The following SEMA3D variants were observed in gnomAD, a reference collection of about 807,000 sequenced individuals.
SEMA3D encodes the protein semaphorin-3D.
In SEMA3D, 84 loss-of-function variants were observed where a neutral mutation model predicts 100.1. The ratio of observed to expected loss-of-function variants is 0.84; its 90% CI spans 0.70 to 1.01. The LOEUF (loss-of-function observed/expected upper bound fraction) is 1.01, where lower values mean the gene tolerates loss of function less well. Ranked by LOEUF, SEMA3D falls within the 50% of genes least tolerant of loss-of-function variation. SEMA3D has a pLI of 0.00. For missense variants in SEMA3D, 875 were observed against 934.1 expected (o/e 0.94, Z 0.82); for synonymous variants, 312 against 320.7 (o/e 0.97, Z 0.29).
At chr7:85,014,525 A>G (rs1382382606) in intron 16 of SEMA3D, among the ~76,000 whole-genome samples, 1 of 151,824 alleles carries the variant, frequency 6.6e-6, no homozygotes, top group African/African-American at 2.4e-5. Context: ...GCAATGAACT[A>G]CAAACAGCAA....
chr7:85,060,636 T>G (rs532668403), intron 8 of SEMA3D, among the ~76,000 whole-genome samples: 1 of 152,320 alleles, frequency 6.6e-6, no homozygotes, highest in Admixed American at 6.5e-5. Context: ...CATAAACTCA[T>G]GTGGCCTGCA....
At chr7:85,018,357 G>T in intron 14 of SEMA3D, 64 bp from the exon 15 acceptor site, 1 of 1,044,412 alleles carries the variant, frequency 9.6e-7, no homozygotes, top group South Asian at 1.3e-5. Context: ...TAAACAATAT[G>T]TTGTTTTATC....
At chr7:85,029,559 G>T in intron 12 of SEMA3D, 1 of 537,950 alleles carries the variant, frequency 1.9e-6, no homozygotes, top group South Asian at 1.8e-5. Flanking sequence ...AGCTGGAGAA[G>T]TCTTCAAGTC....
the SEMA3D span, among the ~76,000 whole-genome samples, chr7:85,211,989 G>T: frequency 6.6e-6 from 1 of 152,122 alleles, no homozygotes; most frequent in East Asian, 1.9e-4. Flanking sequence ...TAAGTTTTTG[G>T]AGAGTCAAAA....
chr7:85,157,233 C>T (rs1790626054), intron 1 of SEMA3D, among the ~76,000 whole-genome samples: 1 of 152,050 alleles, frequency 6.6e-6, no homozygotes, highest in South Asian at 2.1e-4. Context: ...AAAAATGTGG[C>T]AGTTAATAAA....
At chr7:85,093,182 T>G (rs1022104418) in intron 4 of SEMA3D, among the ~76,000 whole-genome samples, 10 of 152,098 alleles carry the variant, frequency 6.6e-5, no homozygotes, top group African/African-American at 2.4e-4. Context: ...AAGTTTGTTT[T>G]CTGTTCCCTC....
intron 12 of SEMA3D, among the ~76,000 whole-genome samples, chr7:85,030,460 A>G (rs1169346496): frequency 6.6e-6 from 1 of 152,080 alleles, no homozygotes; most frequent in Non-Finnish European, 1.5e-5. Context: ...ACGCGGTAAC[A>G]ATTTGGGAGC....
intron 2 of SEMA3D, among the ~76,000 whole-genome samples, chr7:85,136,888 T>C (rs1789881095): frequency 6.6e-6 from 1 of 152,116 alleles, no homozygotes. Flanking sequence ...TCTAAAGACA[T>C]GACTGTAGTC....
intron 2 of SEMA3D, chr7:85,140,679 T>C (rs1179974180): frequency 9.2e-6 from 9 of 980,226 alleles, no homozygotes; most frequent in Non-Finnish European, 1.1e-5. Flanking sequence ...ATTAAGTGCT[T>C]CTGTTAAGGA....
In SEMA3D at chr7:85,015,328, G is replaced by A. The variant is rs540339090; in HGVS notation, c.1546-112C>T. ...ATAAATCTGTTTCTCTGGGTGTCCT[G>A]CCCATTGTAAACACTTGTACAGAAA... On this transcript the variant is annotated intron_variant, in intron 15 of 18. Coordinates refer to ENST00000284136, the MANE Select transcript of SEMA3D (RefSeq NM_001384900.1). The A allele has an allele frequency of 8.0e-5, 78 of 974,254 alleles. No homozygotes were observed. The African/African-American group carries it at 1.1e-3, about 14-fold the overall frequency. The allele number at this position is 974,254 out of a possible 1,614,324, so 60.4% of individuals were successfully genotyped here.
At chr7:85,175,485 G>C (rs1791200074) in intron 1 of SEMA3D, among the ~76,000 whole-genome samples, 1 of 152,120 alleles carries the variant, frequency 6.6e-6, no homozygotes, top group Non-Finnish European at 1.5e-5. Context: ...CCTCATCATA[G>C]TGAAGTCTAA....
chr7:85,206,347 CAAGCTTGACTCTG>C, the SEMA3D span, among the ~76,000 whole-genome samples: 1 of 152,038 alleles, frequency 6.6e-6, no homozygotes, highest in Non-Finnish European at 1.5e-5. Context: ...CCCAGCAGGC[CAAGCTTGACTCTG>C]AACATATTAA....
chr7:85,111,523 C>T (rs1422850525), intron 3 of SEMA3D, among the ~76,000 whole-genome samples: 1 of 152,070 alleles, frequency 6.6e-6, no homozygotes, highest in East Asian at 1.9e-4. Flanking sequence ...CCTGTTGGCT[C>T]TATCTTTGTG....
intron 18 of SEMA3D, 103 bp downstream of exon 18, chr7:85,006,699 A>T (rs2115744969): frequency 1.1e-6 from 1 of 926,932 alleles, no homozygotes; most frequent in East Asian, 2.9e-5. Context: ...TATTTTTTTT[A>T]ATCAAATAAT....
At chr7:85,133,407 T>C (rs1424389097) in intron 2 of SEMA3D, among the ~76,000 whole-genome samples, 2 of 152,030 alleles carry the variant, frequency 1.3e-5, no homozygotes, top group Non-Finnish European at 2.9e-5. Flanking sequence ...TTTTATTTTT[T>C]ACATCTTTCC....
chr7:85,065,661 C>A, intron 7 of SEMA3D, 109 bp from the exon 8 acceptor site: 1 of 779,526 alleles, frequency 1.3e-6, no homozygotes. Flanking sequence ...TTCTTAATAT[C>A]AGAATGTATT....
intron 3 of SEMA3D, among the ~76,000 whole-genome samples, chr7:85,111,526 T>C (rs1789094030): frequency 6.6e-6 from 1 of 152,082 alleles, no homozygotes; most frequent in African/African-American, 2.4e-5. Flanking sequence ...GTTGGCTCTA[T>C]CTTTGTGTAT....
At chr7:85,136,070 G>A (rs1028164267) in intron 2 of SEMA3D, among the ~76,000 whole-genome samples, 9 of 152,188 alleles carry the variant, frequency 5.9e-5, no homozygotes, top group African/African-American at 2.2e-4. Flanking sequence ...GGTAAAATAT[G>A]CAAGCTACTC....
chr7:85,101,366 C>T (rs753882903), intron 3 of SEMA3D, among the ~76,000 whole-genome samples: 7 of 152,058 alleles, frequency 4.6e-5, no homozygotes, highest in Middle Eastern at 3.4e-3. Context: ...TATTTTGAAC[C>T]ATGCATTGCA....
Sources: allele counts gnomAD v4.1 joint callset (sites outside exome capture counted in the v4.1 genomes callset), GRCh38; gene constraint gnomAD v4.1.1; transcripts MANE v1.5; gene names NCBI Gene and HGNC (gene_info 2026-07-23, HGNC 2026-07-21).